ATP13A3: variants seen among roughly 807,000 people sequenced by gnomAD.
ATP13A3 encodes polyamine-transporting ATPase 13A3.
ATP13A3 carries 59 observed loss-of-function variants against 158.1 expected under a neutral mutation model. The ratio of observed to expected loss-of-function variants is 0.37; its 90% CI spans 0.30 to 0.46. The LOEUF is 0.46. Ranked by LOEUF, ATP13A3 falls within the 20% of genes least tolerant of loss-of-function variation. The pLI, the probability that ATP13A3 is intolerant of heterozygous loss-of-function variation, is 1.00. For missense variants in ATP13A3, 1,166 were observed against 1,525.2 expected (o/e 0.76, Z 3.92); for synonymous variants, 491 against 504.3 (o/e 0.97, Z 0.35).
At chr3:194,420,753 C>T (rs959960579) in intron 30 of ATP13A3, among the ~76,000 whole-genome samples, 2 of 152,130 alleles carry the variant, frequency 1.3e-5, no homozygotes, top group Middle Eastern at 3.4e-3. Flanking sequence ...TAAGCATATA[C>T]TTGTATAATA....
Position 194,430,104 on chromosome 3 carries a change from A to G in ATP13A3, c.2745T>C (p.Thr915=). ...ASVASPFTSK[T]PSISCVPNLI... is the part of the protein sequence containing the mutation. ...GGTTTGGCACACAGGAAATACTAGG[A>G]GTCTTAGAGGTAAAGGGAGATGCCA... The change falls in exon 26 of 34, where the codon ACT becomes ACC. Residue 915 remains threonine, a synonymous_variant. Transcript: ENST00000645319. The G allele has an allele frequency of 1.2e-6, 2 of 1,614,146 alleles. No homozygotes were observed. The highest frequency in any genetic ancestry group is 1.7e-6 in the Non-Finnish European group (2 of 1,180,006).
intron 26 of ATP13A3, 38 bp downstream of exon 26, chr3:194,430,034 A>C (rs370420328): frequency 3.2e-4 from 489 of 1,526,784 alleles, no homozygotes; most frequent in Non-Finnish European, 4.3e-4. Context: ...TATCAGAGAC[A>C]GAGAAAAAGG....
intron 6 of ATP13A3, 123 bp downstream of exon 6, chr3:194,459,348 T>C (rs1247883946): frequency 2.8e-6 from 2 of 711,446 alleles, no homozygotes; most frequent in East Asian, 5.5e-5. Flanking sequence ...TGTTAATTAA[T>C]ACGTGAATAG....
intron 2 of ATP13A3, among the ~76,000 whole-genome samples, chr3:194,483,463 A>G (rs568573897): frequency 1.4e-5 from 2 of 146,706 alleles, no homozygotes; most frequent in African/African-American, 5.2e-5. Context: ...GATGGTGCAC[A>G]CCTGTGGTCC....
Position 194,459,486 on chromosome 3 carries a change from T to C in ATP13A3, c.464A>G (p.Asn155Ser), listed in dbSNP as rs80091697. ...VKYFWNDTIHNFDFLKGLDEG... is the reference protein window; with the variant it reads ...VKYFWNDTIHSFDFLKGLDEG... ...AGATACTTACTTTAAGAAATCAAAA[T>C]TGTGAATGGTATCATTCCAGAAATA... The change falls in exon 6 of 34, where the codon AAT (asparagine) becomes AGT (serine). Residue 155 changes from asparagine to serine, a missense_variant. Asn to Ser is a conservative substitution (Grantham distance 46, BLOSUM62 1). This residue lies in a region of ATP13A3 where 104 missense variants were observed against 91.7 expected (regional missense o/e 1.13). Transcript: ENST00000645319. 6.3e-7 allele frequency: 1 copy of C among 1,592,258 alleles called. No individual in the cohort carries two copies. Among genetic ancestry groups the C allele is most frequent in the East Asian group, 2.2e-5 (1 of 44,666 alleles).
At chr3:194,452,477 C>T (rs1718879035) in intron 10 of ATP13A3, 1 of 152,032 alleles carries the variant, frequency 6.6e-6, no homozygotes, top group African/African-American at 2.4e-5. Context: ...GAAGGAGACT[C>T]TATCGAAAAA....
At chr3:194,474,788 C>T (rs1164790431) in intron 2 of ATP13A3, among the ~76,000 whole-genome samples, 1 of 152,208 alleles carries the variant, frequency 6.6e-6, no homozygotes, top group African/African-American at 2.4e-5. Context: ...AATCAAGACA[C>T]TGCTTAGATA....
intron 20 of ATP13A3, among the ~76,000 whole-genome samples, chr3:194,434,424 A>G (rs1717470290): frequency 6.6e-6 from 1 of 152,240 alleles, no homozygotes; most frequent in South Asian, 2.1e-4. Context: ...TCAAGATGCT[A>G]TTCTTTAAAT....
chr3:194,489,497 A>C (rs1374323005), upstream of ATP13A3, among the ~76,000 whole-genome samples: 1 of 152,136 alleles, frequency 6.6e-6, no homozygotes, highest in African/African-American at 2.4e-5. The surrounding 1 kb of genome is among the most constrained non-coding windows in gnomAD (Gnocchi z 4.1). Context: ...TCCAGCCTGA[A>C]TTGTTAGACA....
intron 33 of ATP13A3, among the ~76,000 whole-genome samples, chr3:194,411,159 C>T (rs941092395): frequency 6.6e-6 from 1 of 151,980 alleles, no homozygotes; most frequent in African/African-American, 2.4e-5. Flanking sequence ...TCTTAGAAAG[C>T]AAGCCTGTGG....
intron 30 of ATP13A3, among the ~76,000 whole-genome samples, chr3:194,424,234 ATAGT>A (rs1342746090): frequency 1.3e-5 from 2 of 151,672 alleles, no homozygotes; most frequent in East Asian, 3.9e-4. Flanking sequence ...TTTTAAAATA[ATAGT>A]TATTTTTTAA....
chr3:194,440,116 G>A (rs1037903257), intron 16 of ATP13A3, among the ~76,000 whole-genome samples: 4 of 152,114 alleles, frequency 2.6e-5, no homozygotes, highest in Non-Finnish European at 5.9e-5. Flanking sequence ...TCCTGTAAAT[G>A]TAAACAGAAA....
At chr3:194,466,929 A>G (rs534673726) in intron 2 of ATP13A3, among the ~76,000 whole-genome samples, 1 of 152,376 alleles carries the variant, frequency 6.6e-6, no homozygotes, top group East Asian at 1.9e-4. Context: ...GGCCACGAAT[A>G]TTAAGGACTC....
chr3:194,435,057 A>C (rs1364445713), intron 20 of ATP13A3, among the ~76,000 whole-genome samples: 3 of 152,218 alleles, frequency 2.0e-5, no homozygotes, highest in Non-Finnish European at 4.4e-5. Flanking sequence ...GGAATAACCA[A>C]ATGATTTTTC....
At chr3:194,444,404 G>A (rs1188969347) in intron 15 of ATP13A3, among the ~76,000 whole-genome samples, 1 of 152,024 alleles carries the variant, frequency 6.6e-6, no homozygotes, top group African/African-American at 2.4e-5. Flanking sequence ...TTGGAGAGGG[G>A]AAAAAAGCAG....
chr3:194,493,758 T>C (rs1177279833), intron 2 of ATP13A3, among the ~76,000 whole-genome samples: 1 of 152,214 alleles, frequency 6.6e-6, no homozygotes, highest in Non-Finnish European at 1.5e-5. Flanking sequence ...CATGTTTTTT[T>C]CCTAAGGTTC....
intron 21 of ATP13A3, among the ~76,000 whole-genome samples, chr3:194,432,517 T>G (rs1487738331): frequency 6.6e-6 from 1 of 152,126 alleles, no homozygotes; most frequent in African/African-American, 2.4e-5. Flanking sequence ...CACACACTAT[T>G]TCCAAGAATA....
chr3:194,491,271 T>C (rs1721142379), upstream of ATP13A3, among the ~76,000 whole-genome samples: 1 of 152,136 alleles, frequency 6.6e-6, no homozygotes, highest in East Asian at 1.9e-4. Flanking sequence ...AACTTAACTC[T>C]TGCCTTTCTT....
chr3:194,461,145 C>T (rs1235385714), intron 3 of ATP13A3, among the ~76,000 whole-genome samples: 1 of 152,040 alleles, frequency 6.6e-6, no homozygotes, highest in Non-Finnish European at 1.5e-5. Flanking sequence ...TTCATTGTTA[C>T]ATATCTTTTT....
Sources: allele counts gnomAD v4.1 joint callset (sites outside exome capture counted in the v4.1 genomes callset), GRCh38; gene constraint gnomAD v4.1.1; regional missense constraint gnomAD v4.1.1; non-coding constraint Gnocchi (gnomAD v3.1); transcripts MANE v1.5; gene names NCBI Gene and HGNC (gene_info 2026-07-23, HGNC 2026-07-21).